PABPC4L: variants seen among roughly 807,000 people sequenced by gnomAD.
PABPC4L encodes the protein poly(A) binding protein cytoplasmic 4 like, also known as polyadenylate-binding protein 4-like.
For missense variants in PABPC4L, 452 were observed against 451.4 expected (o/e 1.00, Z -0.01); for synonymous variants, 169 against 164.1 (o/e 1.03, Z -0.23).
the PABPC4L span, among the ~76,000 whole-genome samples, chr4:134,121,749 T>G: frequency 6.6e-6 from 1 of 151,822 alleles, no homozygotes; most frequent in Non-Finnish European, 1.5e-5. Flanking sequence ...TCCTGAGGAC[T>G]AACGCCATGC....
chr4:134,106,234 G>T, the PABPC4L span, among the ~76,000 whole-genome samples: 9 of 151,472 alleles, frequency 5.9e-5, no homozygotes, highest in Non-Finnish European at 8.9e-5. Context: ...TCATGCTCCT[G>T]GTGCTTTCCC....
the PABPC4L span, among the ~76,000 whole-genome samples, chr4:133,981,050 A>G: frequency 3.3e-5 from 5 of 152,282 alleles, no homozygotes; most frequent in East Asian, 9.7e-4. Context: ...AATTTCAGCT[A>G]CTAGGGAGGT....
At chr4:133,971,175 C>T in the PABPC4L span, among the ~76,000 whole-genome samples, 1 of 121,036 alleles carries the variant, frequency 8.3e-6, no homozygotes, top group Non-Finnish European at 1.6e-5. Flanking sequence ...TGCAGTGGAA[C>T]AATCTCGGCT....
the PABPC4L span, among the ~76,000 whole-genome samples, chr4:134,137,553 A>G: frequency 1.3e-5 from 2 of 151,844 alleles, no homozygotes; most frequent in Non-Finnish European, 2.9e-5. Context: ...TCAGCTTTCT[A>G]TTTATGCTGA....
At chr4:134,095,728 C>T in the PABPC4L span, among the ~76,000 whole-genome samples, 1 of 152,070 alleles carries the variant, frequency 6.6e-6, no homozygotes, top group East Asian at 1.9e-4. Flanking sequence ...CTTATCACTT[C>T]TCCTTCAGCT....
chr4:134,098,012 T>C, the PABPC4L span, among the ~76,000 whole-genome samples: 1 of 151,822 alleles, frequency 6.6e-6, no homozygotes, highest in Non-Finnish European at 1.5e-5. Context: ...TTAAATGAGA[T>C]CTTATTCATT....
At chr4:134,095,536 A>G in the PABPC4L span, among the ~76,000 whole-genome samples, 1 of 152,124 alleles carries the variant, frequency 6.6e-6, no homozygotes, top group Non-Finnish European at 1.5e-5. Context: ...TATATTCTTT[A>G]TACTTACTAG....
the PABPC4L span, among the ~76,000 whole-genome samples, chr4:133,990,598 T>G: frequency 1.3e-5 from 2 of 151,904 alleles, no homozygotes; most frequent in Non-Finnish European, 2.9e-5. Flanking sequence ...CCAATGAGAG[T>G]GCAGCACCAC....
At chr4:133,985,026 C>T in the PABPC4L span, among the ~76,000 whole-genome samples, 1 of 151,920 alleles carries the variant, frequency 6.6e-6, no homozygotes, top group South Asian at 2.1e-4. Flanking sequence ...GTATCTACCA[C>T]TACTTTCATA....
the PABPC4L span, among the ~76,000 whole-genome samples, chr4:134,133,753 T>C: frequency 6.6e-6 from 1 of 151,874 alleles, no homozygotes; most frequent in Admixed American, 6.6e-5. Flanking sequence ...TGCGCCAAAA[T>C]CTCAGAAATG....
At chr4:134,087,148 T>C in the PABPC4L span, among the ~76,000 whole-genome samples, 109,778 of 151,792 alleles carry the variant, frequency 0.72, 40,358 homozygotes, top group East Asian at 0.96. Flanking sequence ...TATTGCGGCA[T>C]TATTCACAGT....
At chr4:134,037,098 T>A in the PABPC4L span, among the ~76,000 whole-genome samples, 1 of 151,990 alleles carries the variant, frequency 6.6e-6, no homozygotes, top group Non-Finnish European at 1.5e-5. Context: ...TCCAGATTTA[T>A]TATTTTCGTA....
At chr4:133,965,824 G>C in the PABPC4L span, among the ~76,000 whole-genome samples, 1 of 152,136 alleles carries the variant, frequency 6.6e-6, no homozygotes. Flanking sequence ...ATCAACTCAA[G>C]ATGGATCAAT....
At chr4:134,156,952 C>T in the PABPC4L span, among the ~76,000 whole-genome samples, 105,557 of 151,648 alleles carry the variant, frequency 0.7, 38,075 homozygotes, top group East Asian at 1. Context: ...AATTCTTCTC[C>T]CTGTTTTCTT....
chr4:133,984,610 TG>T, the PABPC4L span, among the ~76,000 whole-genome samples: 1 of 151,904 alleles, frequency 6.6e-6, no homozygotes, highest in African/African-American at 2.4e-5. Context: ...ATTAAAGTAC[TG>T]TTTTCAGGGC....
the PABPC4L span, among the ~76,000 whole-genome samples, chr4:134,038,887 C>T: frequency 6.6e-6 from 1 of 152,114 alleles, no homozygotes; most frequent in South Asian, 2.1e-4. Context: ...TTTGCTCTTG[C>T]TTCTCTAGTT....
the PABPC4L span, among the ~76,000 whole-genome samples, chr4:134,132,705 C>G: frequency 6.6e-6 from 1 of 151,724 alleles, no homozygotes; most frequent in South Asian, 2.1e-4. Flanking sequence ...AATCCCACTA[C>G]TGGTTATTTA....
the PABPC4L span, among the ~76,000 whole-genome samples, chr4:134,055,596 C>T: frequency 1.3e-5 from 2 of 150,242 alleles, no homozygotes; most frequent in African/African-American, 4.9e-5. Context: ...AATACATATG[C>T]CATCTGTGTC....
chr4:134,117,814 T>C, the PABPC4L span, among the ~76,000 whole-genome samples: 4 of 151,938 alleles, frequency 2.6e-5, no homozygotes, highest in South Asian at 2.1e-4. Flanking sequence ...CAAATAATTG[T>C]AGGGAGAGGC....
Sources: allele counts gnomAD v4.1 joint callset (sites outside exome capture counted in the v4.1 genomes callset), GRCh38; gene constraint gnomAD v4.1.1; transcripts MANE v1.5; gene names NCBI Gene and HGNC (gene_info 2026-07-23, HGNC 2026-07-21).